Variants in AP3S2 observed in about 807,000 individuals in gnomAD.
AP3S2 encodes adaptor related protein complex 3 subunit sigma 2.
Under a neutral mutation model 23.4 loss-of-function variants are expected in AP3S2, and 22 were observed. The ratio of observed to expected loss-of-function variants is 0.94; its 90% CI spans 0.67 to 1.34. The LOEUF is 1.34. AP3S2 is among the 40% of genes most tolerant of loss of function. The pLI is 0.00. For missense variants in AP3S2, 241 were observed against 236.9 expected (o/e 1.02, Z -0.11); for synonymous variants, 86 against 87.1 (o/e 0.99, Z 0.07).
At chr15:89,887,752 C>G (rs1239827949) in intron 3 of AP3S2, among the ~76,000 whole-genome samples, 2 of 152,224 alleles carry the variant, frequency 1.3e-5, no homozygotes. Flanking sequence ...CTCACTGCAA[C>G]CTCCACATCC....
At chr15:89,876,067 A>C (rs1896435852) in intron 3 of AP3S2, among the ~76,000 whole-genome samples, 1 of 152,242 alleles carries the variant, frequency 6.6e-6, no homozygotes, top group African/African-American at 2.4e-5. Flanking sequence ...TAGAGGGAAA[A>C]GAAGTAGTCT....
intron 3 of AP3S2, chr15:89,876,949 A>T: frequency 3.8e-6 from 1 of 266,074 alleles, no homozygotes; most frequent in Admixed American, 5.1e-5. Context: ...GAACAGCTGT[A>T]CCTAGGGATT....
intron 4 of AP3S2, among the ~76,000 whole-genome samples, chr15:89,855,945 TAAAAAAAA>T (rs34784306): frequency 8.0e-5 from 9 of 111,986 alleles, no homozygotes; most frequent in East Asian, 2.6e-4. Context: ...ATATGTCCTT[TAAAAAAAA>T]AAAAAAAAAA....
chr15:89,849,200 A>G (rs1895573612), intron 4 of AP3S2, among the ~76,000 whole-genome samples: 2 of 152,222 alleles, frequency 1.3e-5, no homozygotes, highest in Admixed American at 1.3e-4. Context: ...AGACAAAACA[A>G]TATGCATGAA....
chr15:89,835,701 TAA>T (rs5814404), intron 5 of AP3S2, 58 bp from the exon 6 acceptor site: 224,687 of 1,021,600 alleles, frequency 0.22, 78 homozygotes, highest in Middle Eastern at 0.24. Flanking sequence ...TGCTTAATGC[TAA>T]AAAAAAAAAA....
chr15:89,858,497 G>A (rs4932260), intron 4 of AP3S2, among the ~76,000 whole-genome samples: 615 of 54,542 alleles, frequency 0.011, 4 homozygotes, highest in African/African-American at 0.024. Context: ...GAAAGAAAGA[G>A]AGAGAGAGAG....
intron 3 of AP3S2, among the ~76,000 whole-genome samples, chr15:89,873,485 A>G (rs1382881766): frequency 6.6e-6 from 1 of 152,040 alleles, no homozygotes; most frequent in Non-Finnish European, 1.5e-5. Flanking sequence ...AGGTTTCACC[A>G]TGTTGGCCAG....
intron 3 of AP3S2, among the ~76,000 whole-genome samples, chr15:89,885,679 C>A (rs1024257097): frequency 6.6e-6 from 1 of 152,142 alleles, no homozygotes; most frequent in African/African-American, 2.4e-5. Context: ...CAGTGGTTCA[C>A]ACCTGTAATC....
intron 4 of AP3S2, among the ~76,000 whole-genome samples, chr15:89,849,556 C>T (rs546291748): frequency 2.4e-4 from 36 of 151,852 alleles, no homozygotes; most frequent in Non-Finnish European, 2.4e-4. Flanking sequence ...TTAGTAGAGA[C>T]GGGGGTTTCA....
chr15:89,861,168 C>G (rs1896002022), intron 4 of AP3S2, among the ~76,000 whole-genome samples: 1 of 152,164 alleles, frequency 6.6e-6, no homozygotes, highest in Admixed American at 6.6e-5. Flanking sequence ...ATTTTGAACT[C>G]TCAGCATTTT....
At position 89,871,046 on chromosome 15, in the gene AP3S2, T is replaced by C. The variant is rs572569279; in HGVS notation, c.345+429A>G. On this transcript the variant is annotated intron_variant, in intron 4 of 5. Transcript: ENST00000336418. ...ATTACAGATCTCTTAGTCACTATAT[T>C]ACTCTTTAGGAAAGATATAAATTTT... Among the ~76,000 whole-genome samples the C allele has an allele frequency of 3.7e-4, 57 of 152,344 alleles. 1 individual carries two copies. The South Asian group carries it at 0.011, about 29-fold the overall frequency.
chr15:89,869,567 TAA>T (rs527600193), intron 4 of AP3S2, among the ~76,000 whole-genome samples: 46,906 of 123,180 alleles, frequency 0.38, 7,777 homozygotes, highest in Admixed American at 0.44. Context: ...GAATTATCAA[TAA>T]AAAAAAAAAA....
intron 1 of AP3S2, among the ~76,000 whole-genome samples, chr15:89,889,821 G>A (rs1216488625): frequency 2.4e-5 from 3 of 126,334 alleles, no homozygotes; most frequent in African/African-American, 9.3e-5. Flanking sequence ...CCGAGATCAC[G>A]CCACTGCACT....
At position 89,833,082 on chromosome 15, in the gene AP3S2, A is replaced by G. The variant is rs898265404; in HGVS notation, c.*2433T>C. 2 of 152,262 alleles carry G rather than the reference A, an allele frequency of 1.3e-5. No individual in the cohort carries two copies. Among genetic ancestry groups the G allele is most frequent in the South Asian group, 2.1e-4 (1 of 4,834 alleles). The allele number at this position is 152,262 out of a possible 1,614,324, so 9.4% of individuals were successfully genotyped here. ...TCTAGGCTATCCCAGGAAATCTAGC[A>G]TAAGGGCTGTCCTGCAGTAATGCAT... On this transcript the variant is annotated 3_prime_UTR_variant, in exon 6 of 6. Coordinates refer to ENST00000336418, the MANE Select transcript of AP3S2 (RefSeq NM_005829.5).
chr15:89,870,695 T>A (rs1896298252), intron 4 of AP3S2, among the ~76,000 whole-genome samples: 1 of 152,168 alleles, frequency 6.6e-6, no homozygotes, highest in South Asian at 2.1e-4. Context: ...GGCTTAGCAA[T>A]GAGCAGCAGT....
At chr15:89,847,066 G>A (rs1045658767) in intron 4 of AP3S2, among the ~76,000 whole-genome samples, 1 of 152,026 alleles carries the variant, frequency 6.6e-6, no homozygotes, top group African/African-American at 2.4e-5. Flanking sequence ...GCAACACAAA[G>A]TTAACCTCTG....
At chr15:89,880,673 C>A (rs78545905) in intron 3 of AP3S2, among the ~76,000 whole-genome samples, 188 of 136,914 alleles carry the variant, frequency 1.4e-3, no homozygotes, top group Admixed American at 1.5e-3. Flanking sequence ...GACTCCGTCT[C>A]AAAAAAAAAA....
At chr15:89,843,962 T>C (rs1330306755) in intron 4 of AP3S2, among the ~76,000 whole-genome samples, 1 of 152,134 alleles carries the variant, frequency 6.6e-6, no homozygotes, top group East Asian at 1.9e-4. Context: ...AAACTCCAGC[T>C]AGCAAAAACT....
intron 4 of AP3S2, among the ~76,000 whole-genome samples, chr15:89,849,711 G>C (rs780165937): frequency 2.6e-5 from 4 of 152,022 alleles, no homozygotes; most frequent in African/African-American, 7.3e-5. Context: ...TTAAGTTCTG[G>C]GGTACATGTG....
Sources: allele counts gnomAD v4.1 joint callset (sites outside exome capture counted in the v4.1 genomes callset), GRCh38; gene constraint gnomAD v4.1.1; transcripts MANE v1.5; gene names NCBI Gene and HGNC (gene_info 2026-07-23, HGNC 2026-07-21).